SETD2: variants seen among roughly 807,000 people sequenced by gnomAD.
The protein encoded by SETD2 is histone-lysine N-methyltransferase SETD2.
Under a neutral mutation model 242.1 loss-of-function variants are expected in SETD2, and 31 were observed. That is an observed-to-expected ratio of 0.13 (90% CI 0.10 to 0.17). SETD2 has a LOEUF of 0.17. Ranked by LOEUF, SETD2 falls within the 10% of genes least tolerant of loss-of-function variation. The pLI is 1.00. For synonymous variants in SETD2, 1,006 were observed against 1,066.5 expected (o/e 0.94, Z 1.11); for missense variants, 2,481 against 3,046.3 (o/e 0.81, Z 4.37).
At chr3:47,038,075 T>C (rs1283782810) in intron 17 of SETD2, among the ~76,000 whole-genome samples, 1 of 152,156 alleles carries the variant, frequency 6.6e-6, no homozygotes, top group East Asian at 1.9e-4. Flanking sequence ...CTTAATGTCA[T>C]GCAAATAAGA....
intron 12 of SETD2, among the ~76,000 whole-genome samples, chr3:47,075,517 T>TCATGCC (rs1402707356): frequency 8.0e-6 from 1 of 124,822 alleles, no homozygotes; most frequent in East Asian, 2.4e-4. Context: ...TGAGCCAAGA[T>TCATGCC]CATGCCATTG....
intron 11 of SETD2, among the ~76,000 whole-genome samples, chr3:47,085,661 A>G (rs1187553306): frequency 6.6e-6 from 1 of 152,246 alleles, no homozygotes; most frequent in African/African-American, 2.4e-5. Flanking sequence ...CTGGGATTAT[A>G]TTACAAATTA....
intron 13 of SETD2, among the ~76,000 whole-genome samples, chr3:47,062,786 TTTA>T (rs1415013043): frequency 1.3e-5 from 2 of 151,976 alleles, no homozygotes; most frequent in East Asian, 1.9e-4. Context: ...ATGAGAAAAG[TTTA>T]TTTTTTTTTT....
At chr3:47,104,846 C>A (rs1435425152) in intron 6 of SETD2, among the ~76,000 whole-genome samples, 1 of 152,142 alleles carries the variant, frequency 6.6e-6, no homozygotes, top group Non-Finnish European at 1.5e-5. Context: ...CCAATCTGGG[C>A]CAACACTCAA....
intron 15 of SETD2, among the ~76,000 whole-genome samples, chr3:47,056,531 ATCTC>A (rs2040089144): frequency 6.6e-6 from 1 of 152,140 alleles, no homozygotes; most frequent in Admixed American, 6.5e-5. Context: ...TGGAAAGTGA[ATCTC>A]TATATCTAGT....
chr3:47,118,497 G>A (rs929367936), intron 3 of SETD2, among the ~76,000 whole-genome samples: 5 of 151,846 alleles, frequency 3.3e-5, no homozygotes, highest in African/African-American at 1.2e-4. Context: ...TGAGACGGGC[G>A]GATCACCTGA....
rs2042758394 is a variant in SETD2, at chr3:47,114,019, G to T, written c.4587-15C>A. 1 of 1,590,670 alleles carries T rather than the reference G, an allele frequency of 6.3e-7. No homozygotes were observed. Among genetic ancestry groups the T allele is most frequent in the Non-Finnish European group, 8.5e-7 (1 of 1,173,268 alleles). On this transcript the variant is annotated splice_polypyrimidine_tract_variant and intron_variant, in intron 4 of 20. Coordinates refer to ENST00000409792, the MANE Select transcript of SETD2 (RefSeq NM_014159.7). ...ACCGAGAAGAACTGAAATGAGAAAAGGAGGAAATTTAATTCTTTAAAGCAG... is the reference window on the plus strand; with the variant it reads ...ACCGAGAAGAACTGAAATGAGAAAATGAGGAAATTTAATTCTTTAAAGCAG...
intron 18 of SETD2, among the ~76,000 whole-genome samples, chr3:47,036,064 C>T (rs1016219037): frequency 2.6e-5 from 4 of 152,184 alleles, no homozygotes; most frequent in African/African-American, 9.7e-5. Flanking sequence ...AATATTTCCT[C>T]CAAAAGTGAA....
rs534967811 is a variant in SETD2 at position 47,088,770 on chromosome 3, A to G, written c.5143-523T>C. ...ATAGGGGCCGGGTGCTTCAGAAAAA[A>G]ATAAAGCATTAGCCTGAAAAATAAA... On this transcript the variant is annotated intron_variant, in intron 9 of 20. Coordinates refer to ENST00000409792, the MANE Select transcript of SETD2 (RefSeq NM_014159.7). 7.9e-5 allele frequency among the ~76,000 whole-genome samples: 12 copies of G among 152,362 alleles called. No homozygotes were observed. The East Asian group carries it at 2.3e-3, about 29-fold the overall frequency.
At chr3:47,140,117 A>G (rs1411783819) in intron 1 of SETD2, among the ~76,000 whole-genome samples, 1 of 152,214 alleles carries the variant, frequency 6.6e-6, no homozygotes, top group African/African-American at 2.4e-5. Flanking sequence ...ACTTCTAACA[A>G]GAAGTGACTT....
In SETD2 at chr3:47,121,379, C is replaced by G. The variant is rs1471434383; in HGVS notation, c.3257G>C (p.Cys1086Ser). The G allele has an allele frequency of 6.2e-7, 1 of 1,609,838 alleles. No individual in the cohort carries two copies. Among genetic ancestry groups the G allele is most frequent in the Non-Finnish European group, 8.5e-7 (1 of 1,179,992 alleles). The change falls in exon 3 of 21, where the codon TGT becomes TCT. Residue 1086 changes from cysteine to serine, a missense_variant. Transcript: ENST00000409792. ...STLPMEETSP[C>S]SSRSSQSYRH... ...ATAACTTTGACTGCTCCGAGAAGAACAAGGACTTGTTTCTTCCATGGGCAA... is the reference window on the plus strand; with the variant it reads ...ATAACTTTGACTGCTCCGAGAAGAAGAAGGACTTGTTTCTTCCATGGGCAA...
chr3:47,143,193 A>G (rs2106798337), intron 1 of SETD2, among the ~76,000 whole-genome samples: 1 of 152,216 alleles, frequency 6.6e-6, no homozygotes, highest in South Asian at 2.1e-4. Context: ...ACTCAGCAGG[A>G]TGAGGCAGGA....
chr3:47,145,130 A>G (rs2043822345), intron 1 of SETD2, among the ~76,000 whole-genome samples: 1 of 152,234 alleles, frequency 6.6e-6, no homozygotes, highest in South Asian at 2.1e-4. Context: ...ATGTGTAAAC[A>G]TAACTAGAAT....
intron 12 of SETD2, among the ~76,000 whole-genome samples, chr3:47,083,508 G>A (rs969207842): frequency 1.8e-4 from 28 of 152,170 alleles, no homozygotes; most frequent in African/African-American, 6.8e-4. Flanking sequence ...CTAAGTGACA[G>A]AAAAGAAGAC....
chr3:47,154,554 G>C (rs1011196676), intron 1 of SETD2, among the ~76,000 whole-genome samples: 1 of 152,092 alleles, frequency 6.6e-6, no homozygotes, highest in South Asian at 2.1e-4. Flanking sequence ...AAAAGATCTC[G>C]AAAAATACAT....
At position 47,084,148 on chromosome 3, in the gene SETD2, A is replaced by G. The variant is rs138568145; in HGVS notation, c.5632T>C (p.Phe1878Leu). 8.7e-6 allele frequency: 14 copies of G among 1,614,050 alleles called. No individual in the cohort carries two copies. The highest frequency in any genetic ancestry group is 1.2e-5 in the Non-Finnish European group (14 of 1,180,040). Reference protein sequence around the residue: ...ADTDTPKKLMFRRLKIISENS... With the variant: ...ADTDTPKKLMLRRLKIISENS... ...TCACTTATAATTTTCAGTCTGCGAA[A>G]CATTAGTTTCTTGGGAGTGTCTGTG... The change falls in exon 12 of 21, where the codon TTT becomes CTT. Residue 1878 changes from phenylalanine to leucine, a missense_variant. Coordinates refer to ENST00000409792, the MANE Select transcript of SETD2 (RefSeq NM_014159.7).
chr3:47,135,678 T>G (rs894371263), intron 1 of SETD2, among the ~76,000 whole-genome samples: 2 of 152,220 alleles, frequency 1.3e-5, no homozygotes, highest in African/African-American at 4.8e-5. Context: ...TGTGCCACTC[T>G]GTTCCCTTAC....
chr3:47,017,565 A>T lies in SETD2; in HGVS notation c.7533+73T>A. 4.5e-6 allele frequency: 5 copies of T among 1,114,810 alleles called. No individual in the cohort carries two copies. The highest frequency in any genetic ancestry group is 6.8e-6 in the Non-Finnish European group (5 of 738,406). The allele number at this position is 1,114,810 out of a possible 1,614,324, so 69.1% of individuals were successfully genotyped here. On this transcript the variant is annotated intron_variant, in intron 20 of 20. Coordinates refer to ENST00000409792, the MANE Select transcript of SETD2 (RefSeq NM_014159.7). The surrounding 1 kb of genome is among the most constrained non-coding windows in gnomAD (Gnocchi z 4.8). ...AAAAAAAAAAATACTTTCTATGATG[A>T]AAAGGGCTTCTTAGAAGGTACACAG...
intron 15 of SETD2, among the ~76,000 whole-genome samples, chr3:47,049,154 G>C (rs1011336151): frequency 2.0e-4 from 31 of 151,366 alleles, no homozygotes; most frequent in Non-Finnish European, 7.4e-5. Context: ...ATGTTGTCTA[G>C]GCTAGTCTTG....
Sources: allele counts gnomAD v4.1 joint callset (sites outside exome capture counted in the v4.1 genomes callset), GRCh38; gene constraint gnomAD v4.1.1; non-coding constraint Gnocchi (gnomAD v3.1); transcripts MANE v1.5; gene names NCBI Gene and HGNC (gene_info 2026-07-23, HGNC 2026-07-21).